Variants in MGAT4C observed in about 807,000 individuals in gnomAD.
MGAT4C encodes MGAT4 family member C, also known as alpha-1,3-mannosyl-glycoprotein 4-beta-N-acetylglucosaminyltransferase C.
MGAT4C carries 19 observed loss-of-function variants against 40.1 expected under a neutral mutation model. The ratio of observed to expected loss-of-function variants is 0.47; its 90% confidence interval spans 0.33 to 0.70. The LOEUF (loss-of-function observed/expected upper bound fraction) is 0.70, where lower values mean the gene tolerates loss of function less well. Among genes scored for constraint, MGAT4C ranks in the 30% least tolerant of loss-of-function variants. The probability of loss-of-function intolerance (pLI) is 0.02; values close to 1 mark genes in which losing one functional copy is unlikely to be tolerated. For missense variants in MGAT4C, 491 were observed against 563.2 expected, an observed-to-expected ratio of 0.87 and a Z score of 1.30; for synonymous variants, 181 against 187.1, an observed-to-expected ratio of 0.97 and a Z score of 0.27.
At chr12:86,014,817 A>T (rs2136835563) in intron 2 of MGAT4C, among the ~76,000 whole-genome samples, 1 of 152,048 alleles carries the variant, frequency 6.6e-6, no homozygotes, top group African/African-American at 2.4e-5. Context: ...GGAGGGCTTG[A>T]ACAATTTATT....
At chr12:86,642,120 G>A (rs896512587) in intron 2 of MGAT4C, among the ~76,000 whole-genome samples, 1 of 151,792 alleles carries the variant, frequency 6.6e-6, no homozygotes, top group Non-Finnish European at 1.5e-5. Flanking sequence ...CAAATTGGAG[G>A]AGTAATTGAT....
chr12:86,078,719 T>C (rs535318556), intron 1 of MGAT4C, among the ~76,000 whole-genome samples: 1 of 152,210 alleles, frequency 6.6e-6, no homozygotes, highest in East Asian at 1.9e-4. Flanking sequence ...ATAACCTCTA[T>C]CCCTGCCACC....
intron 1 of MGAT4C, among the ~76,000 whole-genome samples, chr12:86,161,025 G>T (rs1397830936): frequency 1.3e-5 from 2 of 151,918 alleles, no homozygotes; most frequent in Non-Finnish European, 2.9e-5. Flanking sequence ...AAATAAATGG[G>T]AAAACATTCC....
chr12:86,803,611 G>C (rs1475311340), intron 1 of MGAT4C, among the ~76,000 whole-genome samples: 1 of 149,494 alleles, frequency 6.7e-6, no homozygotes, highest in Admixed American at 6.7e-5. Context: ...CGAAGGACAT[G>C]AACAGACACT....
intron 1 of MGAT4C, among the ~76,000 whole-genome samples, chr12:86,150,185 T>C (rs375703601): frequency 2.4e-4 from 36 of 152,264 alleles, no homozygotes; most frequent in African/African-American, 7.9e-4. Context: ...TGTGAGAATC[T>C]AACGCCCCCG....
chr12:85,989,292 C>G (rs555456291), intron 3 of MGAT4C, 108 bp downstream of exon 3: 16 of 1,108,084 alleles, frequency 1.4e-5, no homozygotes, highest in Non-Finnish European at 2.0e-5. Flanking sequence ...TTTGCTCAAA[C>G]TAAGTCTTCT....
chr12:86,744,266 G>C (rs1205786528), intron 1 of MGAT4C, among the ~76,000 whole-genome samples: 4 of 151,308 alleles, frequency 2.6e-5, no homozygotes, highest in Admixed American at 1.3e-4. Context: ...TCTCTCCTGA[G>C]GATAGCTTCC....
intron 2 of MGAT4C, among the ~76,000 whole-genome samples, chr12:86,629,442 GAGTATACA>G (rs1222638333): frequency 6.6e-6 from 1 of 152,108 alleles, no homozygotes; most frequent in East Asian, 1.9e-4. Context: ...CAAATCAAGA[GAGTATACA>G]TTCTTCTCAG....
intron 2 of MGAT4C, among the ~76,000 whole-genome samples, chr12:86,038,517 G>C (rs141114861): frequency 6.8e-6 from 1 of 146,234 alleles, no homozygotes; most frequent in Non-Finnish European, 1.5e-5. Flanking sequence ...TGTCTCTTTT[G>C]ATCTTTATTG....
intron 2 of MGAT4C, among the ~76,000 whole-genome samples, chr12:86,697,312 T>A (rs986058864): frequency 5.3e-5 from 8 of 152,262 alleles, no homozygotes; most frequent in Middle Eastern, 3.4e-3. Flanking sequence ...CATTCATATA[T>A]GCTGAGTGTT....
rs114366169 is a variant in MGAT4C, at chr12:86,224,359, A to T, written c.-57+31880T>A. On this transcript the variant is annotated intron_variant, in intron 1 of 4. Coordinates refer to ENST00000611864, the MANE Select transcript of MGAT4C (RefSeq NM_001351288.2). ...AGACTCCATAAAATAACAGTAGGGG[A>T]CTTCAACACCCCACTGCCTGCTTTA... 3.2e-3 allele frequency among the ~76,000 whole-genome samples: 489 copies of T among 152,286 alleles called. 2 individuals carry two copies. The highest frequency in any genetic ancestry group is 0.011 in the African/African-American group (454 of 41,566).
chr12:86,502,687 C>CATATATATACACGAGATCTGCTCAT (rs1565808578), intron 2 of MGAT4C, among the ~76,000 whole-genome samples: 51 of 145,034 alleles, frequency 3.5e-4, no homozygotes, highest in African/African-American at 1.2e-3. Context: ...GAGTTCTGCT[C>CATATATATACACGAGATCTGCTCAT]ATATATATAC....
chr12:86,087,762 A>C (rs1483908506), intron 1 of MGAT4C, among the ~76,000 whole-genome samples: 1 of 152,106 alleles, frequency 6.6e-6, no homozygotes, highest in Non-Finnish European at 1.5e-5. Context: ...ACAAATGGGA[A>C]AACATTCCAT....
intron 1 of MGAT4C, among the ~76,000 whole-genome samples, chr12:86,160,218 G>A (rs959585203): frequency 2.6e-5 from 4 of 151,758 alleles, no homozygotes; most frequent in African/African-American, 9.7e-5. Flanking sequence ...GCATCCAAGA[G>A]ATTTTGGTGA....
At chr12:86,701,364 T>A (rs771168525) in intron 2 of MGAT4C, among the ~76,000 whole-genome samples, 1 of 152,152 alleles carries the variant, frequency 6.6e-6, no homozygotes, top group Non-Finnish European at 1.5e-5. Context: ...TATTTCCAAC[T>A]TTTTTGTTAT....
At chr12:85,981,152 T>C (rs904662331) in intron 4 of MGAT4C, among the ~76,000 whole-genome samples, 2 of 152,144 alleles carry the variant, frequency 1.3e-5, no homozygotes, top group Non-Finnish European at 2.9e-5. Context: ...AAACACACTT[T>C]ATAGTAATTT....
chr12:86,724,873 T>C (rs1192130360), intron 2 of MGAT4C, among the ~76,000 whole-genome samples: 1 of 152,230 alleles, frequency 6.6e-6, no homozygotes, highest in African/African-American at 2.4e-5. Flanking sequence ...TCTGTACTTC[T>C]GTGCTGAAAG....
chr12:86,221,375 G>A (rs992442644), intron 1 of MGAT4C, among the ~76,000 whole-genome samples: 99 of 152,086 alleles, frequency 6.5e-4, no homozygotes, highest in African/African-American at 2.1e-3. Flanking sequence ...AAAAAAAGGA[G>A]ATAATATAAA....
chr12:86,184,105 A>G (rs1218216795), intron 1 of MGAT4C, among the ~76,000 whole-genome samples: 1 of 152,212 alleles, frequency 6.6e-6, no homozygotes, highest in African/African-American at 2.4e-5. Context: ...ATCAATTTTT[A>G]TTAGGTATTT....
Sources: allele counts gnomAD v4.1 joint callset (sites outside exome capture counted in the v4.1 genomes callset), GRCh38; gene constraint gnomAD v4.1.1; transcripts MANE v1.5; gene names NCBI Gene and HGNC (gene_info 2026-07-23, HGNC 2026-07-21).